SIPA1L3: variants seen among roughly 807,000 people sequenced by gnomAD.
SIPA1L3 encodes signal-induced proliferation-associated 1-like protein 3.
SIPA1L3 carries 59 observed loss-of-function variants against 150.1 expected under a neutral mutation model. The observed-to-expected ratio is 0.39, with a 90% CI of 0.32 to 0.49. The LOEUF is 0.49. Ranked by LOEUF, SIPA1L3 falls within the 20% of genes least tolerant of loss-of-function variation. SIPA1L3 has a pLI of 0.86. For synonymous variants in SIPA1L3, 1,070 were observed against 1,077.6 expected (o/e 0.99, Z 0.14); for missense variants, 2,211 against 2,489.5 (o/e 0.89, Z 2.38).
At chr19:38,075,679 C>T (rs889618071) in intron 2 of SIPA1L3, among the ~76,000 whole-genome samples, 1 of 151,540 alleles carries the variant, frequency 6.6e-6, no homozygotes, top group African/African-American at 2.4e-5. Context: ...ACTCAGGAGG[C>T]TGAGGCAGGA....
At chr19:38,167,648 G>A (rs1369588686) in intron 15 of SIPA1L3, among the ~76,000 whole-genome samples, 2 of 152,046 alleles carry the variant, frequency 1.3e-5, no homozygotes, top group African/African-American at 4.8e-5. Context: ...CGATAGCCTC[G>A]AACTCCTCAG....
In SIPA1L3 at chr19:38,119,367, A is replaced by G. The variant is rs1970963164; in HGVS notation, c.2353A>G (p.Thr785Ala). ...CGGCCCCCCCATCCCCAGTGGAACC[A>G]CATTCCGCAAATCCGACGTCTTCAG... is the stretch of plus-strand genomic sequence containing the variant. ...PFGPPIPSGT[T>A]FRKSDVFRDF... The change falls in exon 9 of 22, where the codon ACA becomes GCA. Residue 785 changes from threonine (T) to alanine (A), a missense_variant. Physicochemically the swap from Thr to Ala is moderately conservative, Grantham distance 58 (BLOSUM62 0). Transcript: ENST00000222345. The G allele has an allele frequency of 2.5e-6, 4 of 1,614,162 alleles. No homozygotes were observed. Among genetic ancestry groups the G allele is most frequent in the Non-Finnish European group, 2.5e-6 (3 of 1,180,030 alleles).
rs1600028820 is a variant in SIPA1L3 at position 38,081,864 on chromosome 19, G to A, written c.299G>A (p.Ser100Asn). Residue 100 changes from serine to asparagine, a missense_variant, in exon 3 of 22, where the codon AGC (serine) becomes AAC (asparagine). Around this residue, in one of 5 missense-constraint regions of SIPA1L3, gnomAD observed 130 missense variants for 174.5 expected, o/e 0.74. Coordinates refer to ENST00000222345, the MANE Select transcript of SIPA1L3 (RefSeq NM_015073.3). ...REALREHSNP[S>N]PSQDTDGTKA... is the part of the protein sequence containing the mutation. ...GCCCTGAGAGAGCACAGCAACCCAA[G>A]CCCCTCCCAGGACACAGATGGCACA... 6.2e-7 allele frequency: 1 copy of A among 1,614,082 alleles called. No individual in the cohort carries two copies. Among genetic ancestry groups the A allele is most frequent in the East Asian group, 2.2e-5 (1 of 44,868 alleles).
intron 1 of SIPA1L3, among the ~76,000 whole-genome samples, chr19:37,969,974 C>G (rs1347185706): frequency 6.6e-6 from 1 of 152,184 alleles, no homozygotes; most frequent in African/African-American, 2.4e-5. Flanking sequence ...CCCAGGAGGT[C>G]AAGCCCAGAC....
At position 38,138,897 on chromosome 19, in the gene SIPA1L3, C is replaced by CAAAAAAAAA. The variant is rs3045988; in HGVS notation, c.3144-2277_3144-2269dup. On this transcript the variant is annotated intron_variant, in intron 10 of 21. Transcript: ENST00000222345. ...TGGGTGACAGAACGAGACTCTATCT[C>CAAAAAAAAA]AAAAAAAAAAAAAAAAAACTGAGTG... is the stretch of plus-strand genomic sequence containing the variant. Among the ~76,000 whole-genome samples, 12 of 44,134 alleles carry CAAAAAAAAA rather than the reference C, an allele frequency of 2.7e-4. 1 individual carries two copies. The highest frequency in any genetic ancestry group is 6.4e-4 in the South Asian group (1 of 1,568). 29.0% of individuals were successfully genotyped at this position (44,134 alleles called of 152,430 possible).
intron 2 of SIPA1L3, among the ~76,000 whole-genome samples, chr19:38,050,325 G>A (rs975154434): frequency 2.6e-5 from 4 of 151,808 alleles, no homozygotes; most frequent in Non-Finnish European, 4.4e-5. Flanking sequence ...ACGTGGTGGC[G>A]CATGCCTGTA....
chr19:37,967,010 A>G (rs986278771), intron 1 of SIPA1L3, among the ~76,000 whole-genome samples: 1 of 152,106 alleles, frequency 6.6e-6, no homozygotes, highest in Non-Finnish European at 1.5e-5. Context: ...CCGGTAGCCT[A>G]AACAACAGAA....
At chr19:38,110,808 G>A (rs576218749) in intron 8 of SIPA1L3, among the ~76,000 whole-genome samples, 67 of 152,154 alleles carry the variant, frequency 4.4e-4, no homozygotes, top group African/African-American at 1.6e-3. Flanking sequence ...TCTTTCCCAA[G>A]AGTTGCATCA....
At chr19:38,052,315 G>C (rs1487788536) in intron 2 of SIPA1L3, among the ~76,000 whole-genome samples, 1 of 152,224 alleles carries the variant, frequency 6.6e-6, no homozygotes, top group East Asian at 1.9e-4. Context: ...AAGTTGGGGA[G>C]GAGCAGAGAA....
chr19:37,983,487 C>A (rs833914), intron 1 of SIPA1L3, among the ~76,000 whole-genome samples: 6 of 151,854 alleles, frequency 4.0e-5, no homozygotes, highest in Admixed American at 1.3e-4. Context: ...TCCTAGGCAC[C>A]GTGCAGTAGC....
chr19:38,184,424 C>G (rs552955896), intron 16 of SIPA1L3: 2 of 152,294 alleles, frequency 1.3e-5, no homozygotes, highest in Non-Finnish European at 2.9e-5. Context: ...GTGATCTGCC[C>G]GCCTGAGCCT....
chr19:38,205,973 GC>G lies in SIPA1L3; in HGVS notation c.5203-122del, dbSNP rs1481800485. On this transcript the variant is annotated intron_variant, in intron 21 of 21. Transcript: ENST00000222345. ...AGAGTGGGATGTGTGCCCCGGCCTG[GC>G]CTGGCTCTAGTGGTTGGCTCCAAAG... The G allele has an allele frequency of 2.6e-6, 3 of 1,149,244 alleles. No individual in the cohort carries two copies. In the South Asian group the frequency reaches 5.1e-5, roughly 20 times the overall value. 71.2% of individuals were successfully genotyped at this position (1,149,244 alleles called of 1,614,324 possible).
At chr19:37,945,881 G>A (rs547772517) in intron 1 of SIPA1L3, among the ~76,000 whole-genome samples, 212 of 152,232 alleles carry the variant, frequency 1.4e-3, no homozygotes, top group African/African-American at 4.9e-3. Flanking sequence ...GTGGCTGGGC[G>A]TGGTGGCTCA....
intron 9 of SIPA1L3, among the ~76,000 whole-genome samples, chr19:38,130,033 C>T (rs1971270731): frequency 6.6e-6 from 1 of 152,178 alleles, no homozygotes; most frequent in African/African-American, 2.4e-5. Context: ...TGCCGCTGCA[C>T]TTCAGCCTGG....
chr19:38,123,618 AT>A (rs1971082226), intron 9 of SIPA1L3, among the ~76,000 whole-genome samples: 1 of 151,052 alleles, frequency 6.6e-6, no homozygotes, highest in Admixed American at 6.6e-5. Flanking sequence ...AGGCCGAAGA[AT>A]TTTTCTTAGT....
chr19:38,082,125 C>T lies in SIPA1L3; in HGVS notation c.560C>T (p.Pro187Leu), dbSNP rs1329628545. The change falls in exon 3 of 22, where the codon CCG becomes CTG. Residue 187 changes from proline to leucine, a missense_variant. Physicochemically the swap from Pro to Leu is moderately conservative, Grantham distance 98. Coordinates refer to ENST00000222345, the MANE Select transcript of SIPA1L3 (RefSeq NM_015073.3). The stretch of plus-strand genomic sequence containing the variant: ...TGTGACGCGGAGGACGCGGGGGAGC[C>T]GCGGGGGGCCCGGCACACGGGGGCG... ...SECDAEDAGE[P>L]RGARHTGALP... 6.8e-6 allele frequency: 11 copies of T among 1,606,570 alleles called. No homozygotes were observed. The highest frequency in any genetic ancestry group is 9.3e-6 in the Non-Finnish European group (11 of 1,179,052).
At position 38,082,896 on chromosome 19, in the gene SIPA1L3, T is replaced by G. The variant is rs1187807926; in HGVS notation, c.1331T>G (p.Phe444Cys). Residue 444 changes from phenylalanine to cysteine, a missense_variant, in exon 3 of 22, where the codon TTC (phenylalanine) becomes TGC (cysteine). Coordinates refer to ENST00000222345, the MANE Select transcript of SIPA1L3 (RefSeq NM_015073.3). ...IGGECERNVS[F>C]SRASVGSPSS... ...GGCGAGTGTGAGCGCAACGTGAGCT[T>G]CTCCCGGGCTTCCGTGGGCTCCCCG... 3.1e-6 allele frequency: 5 copies of G among 1,613,226 alleles called. No individual in the cohort carries two copies. The highest frequency in any genetic ancestry group is 1.7e-5 in the Admixed American group (1 of 60,002).
At chr19:38,020,341 T>C (rs1968346555) in intron 1 of SIPA1L3, among the ~76,000 whole-genome samples, 1 of 152,106 alleles carries the variant, frequency 6.6e-6, no homozygotes, top group South Asian at 2.1e-4. Context: ...GTGTTATGAA[T>C]AAGAGGATTA....
chr19:38,183,897 A>C (rs984040114), intron 16 of SIPA1L3, among the ~76,000 whole-genome samples: 1 of 152,154 alleles, frequency 6.6e-6, no homozygotes, highest in Admixed American at 6.5e-5. Context: ...AGAACCGACT[A>C]TATAGGGTTA....
Sources: allele counts gnomAD v4.1 joint callset (sites outside exome capture counted in the v4.1 genomes callset), GRCh38; gene constraint gnomAD v4.1.1; regional missense constraint gnomAD v4.1.1; transcripts MANE v1.5; gene names NCBI Gene and HGNC (gene_info 2026-07-23, HGNC 2026-07-21).